GRIN2B: variants seen among roughly 807,000 people sequenced by gnomAD.
GRIN2B encodes glutamate receptor ionotropic, NMDA 2B.
GRIN2B carries 5 observed loss-of-function variants against 114.5 expected under a neutral mutation model. The observed-to-expected ratio is 0.04, with a 90% CI of 0.02 to 0.09. The LOEUF (loss-of-function observed/expected upper bound fraction) is 0.09. Among genes scored for constraint, GRIN2B ranks in the 10% least tolerant of loss-of-function variants. The probability of loss-of-function intolerance (pLI) is 1.00; values close to 1 mark genes in which losing one functional copy is unlikely to be tolerated. For synonymous variants in GRIN2B, 787 were observed against 745.1 expected (o/e 1.06, Z -0.92); for missense variants, 1,108 against 1,943.5 (o/e 0.57, Z 8.08).
At chr12:13,783,615 G>C (rs1044280728) in intron 3 of GRIN2B, among the ~76,000 whole-genome samples, 13 of 152,164 alleles carry the variant, frequency 8.5e-5, no homozygotes, top group African/African-American at 2.7e-4. Flanking sequence ...CATGGACAAA[G>C]AGAGCTGACT....
At chr12:13,656,415 T>C (rs1433354075) in intron 5 of GRIN2B, among the ~76,000 whole-genome samples, 1 of 152,182 alleles carries the variant, frequency 6.6e-6, no homozygotes, top group Non-Finnish European at 1.5e-5. Context: ...CACACCAATG[T>C]GCAGGCAGTT....
chr12:13,979,571 G>A (rs1374072430), intron 2 of GRIN2B, among the ~76,000 whole-genome samples: 1 of 149,404 alleles, frequency 6.7e-6, no homozygotes, highest in Admixed American at 6.7e-5. Context: ...CATAAAAATC[G>A]GAGCTTTAGT....
intron 5 of GRIN2B, among the ~76,000 whole-genome samples, chr12:13,637,858 A>G (rs1949679637): frequency 6.6e-6 from 1 of 152,166 alleles, no homozygotes; most frequent in Non-Finnish European, 1.5e-5. Flanking sequence ...AATAAGGCCC[A>G]GGCTTTACTT....
intron 5 of GRIN2B, among the ~76,000 whole-genome samples, chr12:13,633,842 C>T (rs1646791011): frequency 6.6e-6 from 1 of 151,980 alleles, no homozygotes; most frequent in African/African-American, 2.4e-5. Context: ...CACCCACCCC[C>T]AAACCCACCC....
chr12:13,927,114 C>A (rs1162565180), intron 2 of GRIN2B, among the ~76,000 whole-genome samples: 1 of 152,162 alleles, frequency 6.6e-6, no homozygotes, highest in Non-Finnish European at 1.5e-5. Flanking sequence ...GACCACCCAA[C>A]ATCTCAGCCT....
rs538189190 is a variant in GRIN2B, at chr12:13,908,244, A to G, written c.-18-42018T>C. On this transcript the variant is annotated intron_variant, in intron 2 of 13. Transcript: ENST00000609686. ...TTCAATGAACTACATATTTGAAAAA[A>G]AAAACAGAAAAGAACATATAGTGCT... 4.6e-5 allele frequency among the ~76,000 whole-genome samples: 7 copies of G among 152,242 alleles called. No homozygotes were observed. The East Asian group carries it at 1.4e-3, about 29-fold the overall frequency.
At chr12:13,662,075 G>A (rs1421678407) in intron 5 of GRIN2B, among the ~76,000 whole-genome samples, 1 of 152,156 alleles carries the variant, frequency 6.6e-6, no homozygotes, top group Non-Finnish European at 1.5e-5. Flanking sequence ...AGAACAGTAG[G>A]CTAGAGTAGG....
chr12:13,948,556 G>A (rs1867410655), intron 2 of GRIN2B, among the ~76,000 whole-genome samples: 2 of 151,978 alleles, frequency 1.3e-5, no homozygotes, highest in African/African-American at 4.8e-5. Context: ...ATTTCAACAC[G>A]GTTGGTGGTG....
chr12:13,832,858 A>C (rs1865177345), intron 3 of GRIN2B, among the ~76,000 whole-genome samples: 1 of 152,212 alleles, frequency 6.6e-6, no homozygotes, highest in African/African-American at 2.4e-5. Flanking sequence ...TTTTATTGCC[A>C]AACTGTCTTC....
intron 3 of GRIN2B, among the ~76,000 whole-genome samples, chr12:13,803,169 A>G (rs962639051): frequency 2.0e-5 from 3 of 152,188 alleles, no homozygotes; most frequent in African/African-American, 7.2e-5. Context: ...TAATGTATGC[A>G]GCATACAAAA....
In GRIN2B at chr12:13,563,953, C is replaced by T. The variant is rs200058641; in HGVS notation, c.3285G>A (p.Ser1095=). ...CGTCAAACTCCCTGCGGGACTTGGC[C>T]GAGGCAGGCCGCTTCTTCAGGCTGT... ...YKDSLKKRPA[S]AKSRREFDEI... is the part of the protein sequence containing the mutation. The change falls in exon 14 of 14, where the codon TCG becomes TCA. Residue 1095 remains serine (S), a synonymous_variant. Transcript: ENST00000609686. 37 of 1,614,070 alleles carry T rather than the reference C, an allele frequency of 2.3e-5. No individual in the cohort carries two copies. The highest frequency in any genetic ancestry group is 5.3e-5 in the African/African-American group (4 of 74,920).
At chr12:13,675,116 C>A (rs1048656697) in intron 5 of GRIN2B, among the ~76,000 whole-genome samples, 9 of 152,160 alleles carry the variant, frequency 5.9e-5, no homozygotes, top group African/African-American at 1.9e-4. Flanking sequence ...ACGTATACTT[C>A]ATCCTTATAC....
chr12:13,900,437 T>C (rs1866427279), intron 2 of GRIN2B, among the ~76,000 whole-genome samples: 1 of 151,600 alleles, frequency 6.6e-6, no homozygotes, highest in African/African-American at 2.4e-5. Flanking sequence ...ATCACGCCAT[T>C]GCACTCCAGC....
chr12:13,964,484 T>C (rs761135647), intron 2 of GRIN2B, among the ~76,000 whole-genome samples: 3 of 152,232 alleles, frequency 2.0e-5, no homozygotes, highest in Non-Finnish European at 2.9e-5. Flanking sequence ...AAGGAAAAGC[T>C]GTTCTCCAAA....
At chr12:13,857,967 C>G (rs1865692501) in intron 3 of GRIN2B, among the ~76,000 whole-genome samples, 1 of 152,086 alleles carries the variant, frequency 6.6e-6, no homozygotes, top group Non-Finnish European at 1.5e-5. Context: ...GATGTCAGTA[C>G]TGACATCACT....
intron 10 of GRIN2B, among the ~76,000 whole-genome samples, chr12:13,581,048 G>A (rs1411499500): frequency 6.6e-6 from 1 of 152,266 alleles, no homozygotes; most frequent in South Asian, 2.1e-4. Context: ...GAATGCACCA[G>A]TTGATCCATT....
chr12:13,949,957 C>T (rs934382154), intron 2 of GRIN2B, among the ~76,000 whole-genome samples: 4 of 152,002 alleles, frequency 2.6e-5, no homozygotes, highest in Non-Finnish European at 5.9e-5. Context: ...CAAAAGAGAG[C>T]AACAAAAAGT....
chr12:13,932,229 G>A (rs975688483), intron 2 of GRIN2B, among the ~76,000 whole-genome samples: 1 of 152,092 alleles, frequency 6.6e-6, no homozygotes, highest in Non-Finnish European at 1.5e-5. Context: ...CCTGGTTGTT[G>A]GTTCTCTAGT....
At chr12:13,862,162 G>A (rs1387534491) in intron 3 of GRIN2B, among the ~76,000 whole-genome samples, 6 of 152,070 alleles carry the variant, frequency 3.9e-5, no homozygotes, top group African/African-American at 1.4e-4. Flanking sequence ...TTTCCTCTTT[G>A]GGAAAGCAGA....
Sources: gnomAD v4.1 joint callset for allele counts (sites outside exome capture counted in the v4.1 genomes callset) on GRCh38, gnomAD v4.1.1 for gene constraint, MANE v1.5 for transcripts, NCBI Gene and HGNC (gene_info 2026-07-23, HGNC 2026-07-21) for gene names.